OR51B5: variants seen among roughly 807,000 people sequenced by gnomAD.
The protein encoded by OR51B5 is olfactory receptor family 51 subfamily B member 5, also known as olfactory receptor 51B5.
For synonymous variants in OR51B5, 186 were observed against 144.8 expected (o/e 1.28, Z -2.04); for missense variants, 456 against 374.6 (o/e 1.22, Z -1.79).
At chr11:5,443,644 C>T (rs544303630) in intron 1 of OR51B5, among the ~76,000 whole-genome samples, 11 of 151,996 alleles carry the variant, frequency 7.2e-5, no homozygotes, top group Non-Finnish European at 1.5e-4. Flanking sequence ...TTGAGGTAGT[C>T]TAGAAAGTAA....
chr11:5,356,506 T>G (rs995775486), intron 1 of OR51B5, among the ~76,000 whole-genome samples: 3 of 146,692 alleles, frequency 2.0e-5, no homozygotes, highest in Non-Finnish European at 4.5e-5. Context: ...CTGATTGGTG[T>G]ACCTGAAAGT....
intron 1 of OR51B5, among the ~76,000 whole-genome samples, chr11:5,421,681 A>C (rs1393677914): frequency 6.6e-6 from 1 of 152,224 alleles, no homozygotes; most frequent in Non-Finnish European, 1.5e-5. Context: ...TGAATGAAAA[A>C]ATTAGGAGAT....
intron 1 of OR51B5, among the ~76,000 whole-genome samples, chr11:5,445,905 A>G (rs1339767327): frequency 6.6e-6 from 1 of 152,060 alleles, no homozygotes; most frequent in Non-Finnish European, 1.5e-5. Context: ...CAGAAGATAA[A>G]TAAGAAATCA....
At chr11:5,489,280 T>C in intron 1 of OR51B5, 1 of 1,613,942 alleles carries the variant, frequency 6.2e-7, no homozygotes, top group Non-Finnish European at 8.5e-7. Flanking sequence ...CCGACTGGCC[T>C]GTGCCAACAT....
At chr11:5,422,999 G>A (rs755064489) in intron 1 of OR51B5, 1 of 1,613,994 alleles carries the variant, frequency 6.2e-7, no homozygotes, top group Non-Finnish European at 8.5e-7. Flanking sequence ...TCATCGCTTT[G>A]CCAAGCATGC....
exon 1 of OR51B5, chr11:5,343,053 T>C (rs368247281): frequency 1.5e-5 from 24 of 1,613,360 alleles, no homozygotes; most frequent in African/African-American, 1.1e-4. Context: ...AGGGGCCTGA[T>C]TGGGGGAACA....
At chr11:5,474,995 G>A (rs951049297) in intron 1 of OR51B5, among the ~76,000 whole-genome samples, 2 of 152,288 alleles carry the variant, frequency 1.3e-5, no homozygotes, top group Admixed American at 6.5e-5. Flanking sequence ...ATAAAAGGAG[G>A]AGTAAGCTCA....
chr11:5,383,066 A>G (rs1329627627), intron 1 of OR51B5, among the ~76,000 whole-genome samples: 1 of 152,046 alleles, frequency 6.6e-6, no homozygotes, highest in African/African-American at 2.4e-5. Context: ...GTTCTGTAGC[A>G]TAGTCTGGGG....
chr11:5,355,732 G>C (rs943629210), intron 1 of OR51B5, among the ~76,000 whole-genome samples: 2 of 148,688 alleles, frequency 1.3e-5, no homozygotes, highest in Admixed American at 6.8e-5. Context: ...AATAAACCTT[G>C]GGAAATTTCT....
In OR51B5 at chr11:5,388,390, T is replaced by C. The variant is rs1454664694; in HGVS notation, n.85-41480A>G. Among the ~76,000 whole-genome samples the C allele has an allele frequency of 4.0e-5, 6 of 151,372 alleles. No homozygotes were observed. In the East Asian group the frequency reaches 1.2e-3, roughly 30 times the overall value. ...ATAGGAGAGGGTATTCAAACTAAACTTGGGGAATTTAAGAAGGCCTTCTGA... is the reference window on the plus strand; with the variant it reads ...ATAGGAGAGGGTATTCAAACTAAACCTGGGGAATTTAAGAAGGCCTTCTGA... On this transcript the variant is annotated intron_variant and non_coding_transcript_variant, in intron 1 of 4. Coordinates refer to the OR51B5 transcript ENST00000415970.
At chr11:5,488,253 G>A (rs920067714) in intron 1 of OR51B5, among the ~76,000 whole-genome samples, 12 of 152,162 alleles carry the variant, frequency 7.9e-5, no homozygotes, top group Non-Finnish European at 1.8e-4. Flanking sequence ...AGAAAGGGAA[G>A]GCCTCTGGGA....
intron 1 of OR51B5, among the ~76,000 whole-genome samples, chr11:5,467,941 A>G (rs1234995441): frequency 6.6e-6 from 1 of 152,126 alleles, no homozygotes; most frequent in East Asian, 1.9e-4. Context: ...CTTTGTACTA[A>G]ACTTCTGAAT....
intron 1 of OR51B5, among the ~76,000 whole-genome samples, chr11:5,399,555 C>T (rs1849935584): frequency 6.6e-6 from 1 of 152,186 alleles, no homozygotes; most frequent in Admixed American, 6.5e-5. Flanking sequence ...ACAGTCATCA[C>T]TGTCCCACAT....
At chr11:5,476,253 G>A (rs746624033) in intron 1 of OR51B5, among the ~76,000 whole-genome samples, 5 of 152,016 alleles carry the variant, frequency 3.3e-5, no homozygotes, top group Non-Finnish European at 5.9e-5. Context: ...CTATAAACTC[G>A]TTTAAATTTG....
chr11:5,423,473 A>C (rs950812043), intron 1 of OR51B5, among the ~76,000 whole-genome samples: 5 of 152,136 alleles, frequency 3.3e-5, no homozygotes, highest in Non-Finnish European at 5.9e-5. Context: ...GGCTTGTTTA[A>C]ACTTAAACTC....
chr11:5,410,489 C>T (rs1052249873), intron 1 of OR51B5, among the ~76,000 whole-genome samples: 23 of 151,986 alleles, frequency 1.5e-4, no homozygotes, highest in Non-Finnish European at 2.8e-4. Flanking sequence ...ACTTTTCAAT[C>T]AACAACGGAC....
At chr11:5,421,281 C>T (rs777986973) in intron 1 of OR51B5, among the ~76,000 whole-genome samples, 4 of 152,144 alleles carry the variant, frequency 2.6e-5, no homozygotes, top group African/African-American at 7.2e-5. Flanking sequence ...GGGCTTATAC[C>T]GCACCTGCTC....
chr11:5,419,276 G>T (rs529007916), intron 1 of OR51B5, among the ~76,000 whole-genome samples: 35 of 152,218 alleles, frequency 2.3e-4, no homozygotes, highest in Admixed American at 9.8e-4. Context: ...AATGTCTTTA[G>T]CATCTCAGGT....
rs1263856117 is a variant in OR51B5, at chr11:5,424,081, A to G, written n.85-77171T>C. The stretch of plus-strand genomic sequence containing the variant: ...AAACAAGATAAACTTTCCCAGCAAT[A>G]TCGGTTTGAAGGGACAACTATAAAT... On this transcript the variant is annotated intron_variant and non_coding_transcript_variant, in intron 1 of 4. Coordinates refer to the OR51B5 transcript ENST00000415970. Among the ~76,000 whole-genome samples, 3 of 152,206 alleles carry G rather than the reference A, an allele frequency of 2.0e-5. No homozygotes were observed. The South Asian group carries it at 6.2e-4, about 31-fold the overall frequency.
Sources: gnomAD v4.1 joint callset for allele counts (sites outside exome capture counted in the v4.1 genomes callset) on GRCh38, gnomAD v4.1.1 for gene constraint, MANE v1.5 for transcripts, NCBI Gene and HGNC (gene_info 2026-07-23, HGNC 2026-07-21) for gene names.